SLC3A1: variants seen among roughly 807,000 people sequenced by gnomAD.
SLC3A1 encodes the protein amino acid transporter heavy chain SLC3A1.
SLC3A1 carries 78 observed loss-of-function variants against 60.3 expected under a neutral mutation model. The ratio of observed to expected loss-of-function variants is 1.29; its 90% CI spans 1.08 to 1.56. SLC3A1 has a LOEUF of 1.56. Ranked by LOEUF, SLC3A1 falls within the 40% of genes most tolerant of loss-of-function variation. The pLI, the probability that SLC3A1 is intolerant of heterozygous loss-of-function variation, is 0.00. For synonymous variants in SLC3A1, 392 were observed against 307.9 expected (o/e 1.27, Z -2.86); for missense variants, 1,172 against 858.9 (o/e 1.36, Z -4.56).
intron 4 of SLC3A1, among the ~76,000 whole-genome samples, chr2:44,296,519 G>A (rs1244032201): frequency 1.3e-5 from 2 of 152,096 alleles, no homozygotes; most frequent in Non-Finnish European, 2.9e-5. Flanking sequence ...AGGTTATTTG[G>A]GTCACCTGTG....
rs1191407445 is a variant in SLC3A1, at chr2:44,317,048, G to A, written c.1617+3097G>A. Among the ~76,000 whole-genome samples, 8 of 152,230 alleles carry A rather than the reference G, an allele frequency of 5.3e-5. No individual in the cohort carries two copies. In the East Asian group the frequency reaches 1.3e-3, roughly 26 times the overall value. On this transcript the variant is annotated intron_variant, in intron 9 of 9. Transcript: ENST00000260649. The stretch of plus-strand genomic sequence containing the variant: ...CAGGGAGGGTGTGTGGGTGGGAGGG[G>A]GCACACAGGAGCAAGCAAATGAGAG...
chr2:44,289,779 C>T (rs1448556841), intron 4 of SLC3A1, among the ~76,000 whole-genome samples: 1 of 152,010 alleles, frequency 6.6e-6, no homozygotes, highest in Non-Finnish European at 1.5e-5. Context: ...TATAGGTGCG[C>T]ACCACCATGC....
chr2:44,282,844 G>A (rs578162190), intron 3 of SLC3A1, among the ~76,000 whole-genome samples: 1 of 152,028 alleles, frequency 6.6e-6, no homozygotes, highest in Non-Finnish European at 1.5e-5. Flanking sequence ...TTTTTGTAAA[G>A]ACAGGGCCTC....
chr2:44,295,364 G>A (rs1371030118), intron 4 of SLC3A1, among the ~76,000 whole-genome samples: 1 of 152,108 alleles, frequency 6.6e-6, no homozygotes, highest in African/African-American at 2.4e-5. Context: ...CACCTACATG[G>A]GTCACTAGAC....
At chr2:44,294,910 G>C (rs1485889663) in intron 4 of SLC3A1, among the ~76,000 whole-genome samples, 1 of 151,880 alleles carries the variant, frequency 6.6e-6, no homozygotes, top group African/African-American at 2.4e-5. Context: ...TTTTTGGTTT[G>C]TTTTTGTTTT....
intron 4 of SLC3A1, among the ~76,000 whole-genome samples, chr2:44,292,242 A>G (rs1214326176): frequency 6.6e-6 from 1 of 152,088 alleles, no homozygotes; most frequent in Admixed American, 6.5e-5. Context: ...CTGAGAGGGA[A>G]CCCAGAGCAC....
chr2:44,282,921 G>C (rs556638795), intron 3 of SLC3A1, among the ~76,000 whole-genome samples: 1 of 152,296 alleles, frequency 6.6e-6, no homozygotes, highest in South Asian at 2.1e-4. Flanking sequence ...GCCTTGCAAA[G>C]TGCTGGGATT....
chr2:44,306,385 G>A (rs1398953321), intron 7 of SLC3A1, among the ~76,000 whole-genome samples: 1 of 152,066 alleles, frequency 6.6e-6, no homozygotes, highest in Non-Finnish European at 1.5e-5. Context: ...GCTTTAATAG[G>A]CAGGAATGTG....
chr2:44,301,090 A>G lies in SLC3A1; in HGVS notation c.1099A>G (p.Thr367Ala), dbSNP rs755793435. The change falls in exon 6 of 10, where the codon ACC becomes GCC. Residue 367 changes from threonine (T) to alanine (A), a missense_variant. Coordinates refer to ENST00000260649, the MANE Select transcript of SLC3A1 (RefSeq NM_000341.4). ...MHDIVRSFRQ[T>A]MDQYSTEPGR... The stretch of plus-strand genomic sequence containing the variant: ...CGACATTGTCCGCAGCTTCCGGCAG[A>G]CCATGGACCAATACAGCACGGAGCC... 6.2e-7 allele frequency: 1 copy of G among 1,614,084 alleles called. No homozygotes were observed. Among genetic ancestry groups the G allele is most frequent in the Non-Finnish European group, 8.5e-7 (1 of 1,180,034 alleles).
chr2:44,278,906 G>T (rs1378922304), intron 1 of SLC3A1, among the ~76,000 whole-genome samples: 1 of 152,064 alleles, frequency 6.6e-6, no homozygotes, highest in Non-Finnish European at 1.5e-5. Context: ...CTTACCTTCT[G>T]TGTTGAGGTT....
At chr2:44,309,645 G>C (rs887338602) in intron 7 of SLC3A1, among the ~76,000 whole-genome samples, 32 of 152,208 alleles carry the variant, frequency 2.1e-4, no homozygotes, top group African/African-American at 7.0e-4. Flanking sequence ...TATCACCCAG[G>C]CTAGAGTGCA....
chr2:44,278,692 G>A (rs1381487717), intron 1 of SLC3A1, among the ~76,000 whole-genome samples: 3 of 152,046 alleles, frequency 2.0e-5, no homozygotes, highest in Non-Finnish European at 2.9e-5. Flanking sequence ...GAACTAGAAG[G>A]AGAAAACACA....
intron 4 of SLC3A1, among the ~76,000 whole-genome samples, chr2:44,296,540 G>C (rs1671847654): frequency 1.3e-5 from 2 of 152,192 alleles, no homozygotes; most frequent in Non-Finnish European, 2.9e-5. Context: ...CCCATGATAA[G>C]AGTTATTCAC....
intron 7 of SLC3A1, among the ~76,000 whole-genome samples, chr2:44,311,187 T>A (rs181625684): frequency 7.0e-4 from 106 of 152,348 alleles, no homozygotes; most frequent in African/African-American, 2.5e-3. Flanking sequence ...ATTTGTCAAG[T>A]CCCTCTAGTA....
rs1671604386 is a variant in SLC3A1 at position 44,286,015 on chromosome 2, T to A, written c.766-17T>A. ...ACCATTATAGGTCACTGATGTGCTG[T>A]TTTCTTTGTTTGCCAGTTAAGTGTG... On this transcript the variant is annotated splice_polypyrimidine_tract_variant and intron_variant, in intron 3 of 9. Coordinates refer to ENST00000260649, the MANE Select transcript of SLC3A1 (RefSeq NM_000341.4). The A allele has an allele frequency of 6.2e-7, 1 of 1,614,108 alleles. No homozygotes were observed.
rs569027152 is a variant in SLC3A1 at position 44,284,118 on chromosome 2, C to T, written c.766-1914C>T. Among the ~76,000 whole-genome samples, 167 of 152,172 alleles carry T rather than the reference C, an allele frequency of 1.1e-3. 1 individual carries two copies. The highest frequency in any genetic ancestry group is 5.8e-3 in the Admixed American group (88 of 15,266). ...TATTTTTGAGATGGTCTTGCTCTGT[C>T]GCCCAGGCTGGACTGCAGTGGCGTG... is the stretch of plus-strand genomic sequence containing the variant. On this transcript the variant is annotated intron_variant, in intron 3 of 9. Coordinates refer to ENST00000260649, the MANE Select transcript of SLC3A1 (RefSeq NM_000341.4).
chr2:44,321,844 C>T (rs1672988488), downstream of SLC3A1: 1 of 1,613,582 alleles, frequency 6.2e-7, no homozygotes. Flanking sequence ...TGAGAATCCT[C>T]AATTACATGA....
chr2:44,318,067 A>G (rs1189884590), intron 9 of SLC3A1: 1 of 435,532 alleles, frequency 2.3e-6, no homozygotes, highest in Non-Finnish European at 4.6e-6. Flanking sequence ...GCACATGTGC[A>G]CAATAATACT....
At chr2:44,293,413 A>C (rs1671780256) in intron 4 of SLC3A1, among the ~76,000 whole-genome samples, 1 of 152,084 alleles carries the variant, frequency 6.6e-6, no homozygotes, top group East Asian at 1.9e-4. Flanking sequence ...ACTACTTGGG[A>C]CGCTGAGGCA....
Sources: gnomAD v4.1 joint callset for allele counts (sites outside exome capture counted in the v4.1 genomes callset) on GRCh38, gnomAD v4.1.1 for gene constraint, MANE v1.5 for transcripts, NCBI Gene and HGNC (gene_info 2026-07-23, HGNC 2026-07-21) for gene names.